LGSN: variants seen among roughly 807,000 people sequenced by gnomAD.
LGSN encodes lengsin.
LGSN carries 21 observed loss-of-function variants against 19.5 expected under a neutral mutation model. The observed-to-expected ratio is 1.07, with a 90% CI of 0.76 to 1.55. The LOEUF is 1.55. Among genes scored for constraint, LGSN ranks in the 40% most tolerant of loss-of-function variants. LGSN has a pLI of 0.00. For synonymous variants in LGSN, 257 were observed against 215.6 expected (o/e 1.19, Z -1.68); for missense variants, 673 against 608.5 (o/e 1.11, Z -1.12).
chr6:63,366,882 G>A, the LGSN span, among the ~76,000 whole-genome samples: 5 of 150,686 alleles, frequency 3.3e-5, no homozygotes, highest in African/African-American at 1.2e-4. Context: ...GAACTGGCTA[G>A]CCATATGTAG....
At chr6:63,567,741 G>A in the LGSN span, among the ~76,000 whole-genome samples, 4 of 152,232 alleles carry the variant, frequency 2.6e-5, no homozygotes, top group Non-Finnish European at 5.9e-5. Flanking sequence ...AGCTATGAAA[G>A]TCTTGGACAG....
At chr6:63,463,594 A>G in the LGSN span, among the ~76,000 whole-genome samples, 1 of 152,086 alleles carries the variant, frequency 6.6e-6, no homozygotes, top group Non-Finnish European at 1.5e-5. Flanking sequence ...CTTGTACGTT[A>G]TGTGTGACTG....
At chr6:63,553,947 G>C in the LGSN span, among the ~76,000 whole-genome samples, 1 of 152,176 alleles carries the variant, frequency 6.6e-6, no homozygotes, top group Non-Finnish European at 1.5e-5. Context: ...ATCAAAGTTA[G>C]TGATATCAGT....
chr6:63,286,251 G>A (rs1007385767), intron 2 of LGSN, among the ~76,000 whole-genome samples: 1 of 151,966 alleles, frequency 6.6e-6, no homozygotes, highest in African/African-American at 2.4e-5. Flanking sequence ...TTGCCCAAAG[G>A]GCTTTATATC....
the LGSN span, among the ~76,000 whole-genome samples, chr6:63,482,889 C>T: frequency 2.6e-5 from 4 of 152,140 alleles, no homozygotes; most frequent in South Asian, 8.3e-4. Flanking sequence ...TTAGTAGAGA[C>T]GGGGTTTCGC....
At chr6:63,327,283 A>C in the LGSN span, among the ~76,000 whole-genome samples, 3 of 152,214 alleles carry the variant, frequency 2.0e-5, no homozygotes, top group Admixed American at 2.0e-4. Context: ...TTTGACAAGA[A>C]GGTTAAAAAT....
chr6:63,501,602 G>A, the LGSN span, among the ~76,000 whole-genome samples: 8 of 151,868 alleles, frequency 5.3e-5, no homozygotes, highest in South Asian at 2.1e-4. Flanking sequence ...AAAAAAAAGC[G>A]CTTGTTGTTT....
chr6:63,333,598 G>T, the LGSN span, among the ~76,000 whole-genome samples: 3 of 136,356 alleles, frequency 2.2e-5, no homozygotes, highest in Non-Finnish European at 3.1e-5. Flanking sequence ...AAGGAAGGGG[G>T]GAGGGAGGGA....
chr6:63,415,575 G>A, the LGSN span, among the ~76,000 whole-genome samples: 14,365 of 152,182 alleles, frequency 0.094, 1,217 homozygotes, highest in African/African-American at 0.23. Context: ...GGGCGAAAGC[G>A]CCCTCATGAT....
At chr6:63,459,829 G>A in the LGSN span, among the ~76,000 whole-genome samples, 175 of 152,152 alleles carry the variant, frequency 1.2e-3, no homozygotes, top group African/African-American at 3.8e-3. Context: ...AAGGAGAATC[G>A]CTTGAACCCA....
the LGSN span, among the ~76,000 whole-genome samples, chr6:63,389,301 A>G: frequency 6.6e-6 from 1 of 152,254 alleles, no homozygotes; most frequent in Non-Finnish European, 1.5e-5. Flanking sequence ...AATAGAAAAG[A>G]AGCTTACCTT....
the LGSN span, among the ~76,000 whole-genome samples, chr6:63,341,061 A>C: frequency 6.6e-6 from 1 of 152,196 alleles, no homozygotes; most frequent in Non-Finnish European, 1.5e-5. Flanking sequence ...CAACATCAGC[A>C]GTGTCTCTGA....
At chr6:63,466,152 G>T in the LGSN span, among the ~76,000 whole-genome samples, 1 of 152,158 alleles carries the variant, frequency 6.6e-6, no homozygotes, top group African/African-American at 2.4e-5. Context: ...CTTCTGCCTT[G>T]GCCTCCCAAA....
the LGSN span, among the ~76,000 whole-genome samples, chr6:63,431,555 C>T: frequency 0.016 from 2,463 of 152,198 alleles, 39 homozygotes; most frequent in African/African-American, 0.033. Context: ...AGTTGTATGA[C>T]CTTGGCAAAT....
At chr6:63,335,961 C>T in the LGSN span, among the ~76,000 whole-genome samples, 3,866 of 151,442 alleles carry the variant, frequency 0.026, 167 homozygotes, top group African/African-American at 0.09. Flanking sequence ...ATGTGCTATA[C>T]ATACACAATG....
the LGSN span, among the ~76,000 whole-genome samples, chr6:63,387,549 C>A: frequency 2.0e-5 from 3 of 152,220 alleles, no homozygotes; most frequent in Admixed American, 6.5e-5. Context: ...ACTAACCCCC[C>A]ACAGATACTG....
At chr6:63,527,343 G>T in the LGSN span, among the ~76,000 whole-genome samples, 2 of 152,004 alleles carry the variant, frequency 1.3e-5, no homozygotes, top group Admixed American at 6.6e-5. Context: ...ACAGATTCTC[G>T]TATCACCACA....
the LGSN span, among the ~76,000 whole-genome samples, chr6:63,530,386 G>C: frequency 2.0e-5 from 3 of 152,170 alleles, no homozygotes; most frequent in African/African-American, 7.2e-5. Context: ...AGGCAGCCAG[G>C]AGTGGTTTGC....
the LGSN span, among the ~76,000 whole-genome samples, chr6:63,350,959 C>T: frequency 6.6e-6 from 1 of 152,070 alleles, no homozygotes; most frequent in Non-Finnish European, 1.5e-5. Flanking sequence ...ACATCCAAAA[C>T]TATTTACAGT....
Sources: gnomAD v4.1 joint callset for allele counts (sites outside exome capture counted in the v4.1 genomes callset) on GRCh38, gnomAD v4.1.1 for gene constraint, MANE v1.5 for transcripts, NCBI Gene and HGNC (gene_info 2026-07-23, HGNC 2026-07-21) for gene names.